The following ASTN2 variants were observed in gnomAD, a reference collection of about 807,000 sequenced individuals.
ASTN2 encodes astrotactin 2.
ASTN2 carries 54 observed loss-of-function variants against 139.8 expected under a neutral mutation model. The ratio of observed to expected loss-of-function variants is 0.39; its 90% CI spans 0.31 to 0.48. The LOEUF is 0.48. Among genes scored for constraint, ASTN2 ranks in the 20% least tolerant of loss-of-function variants. The probability of loss-of-function intolerance (pLI) is 0.95; values close to 1 mark genes in which losing one functional copy is unlikely to be tolerated. For missense variants in ASTN2, 1,565 were observed against 1,725.1 expected (o/e 0.91, Z 1.64); for synonymous variants, 756 against 719.5 (o/e 1.05, Z -0.81).
intron 11 of ASTN2, among the ~76,000 whole-genome samples, chr9:116,851,175 A>G (rs1037581997): frequency 6.6e-6 from 1 of 152,160 alleles, no homozygotes; most frequent in Non-Finnish European, 1.5e-5. Flanking sequence ...TCCATTACCA[A>G]CAGTCAAGAA....
chr9:116,784,873 G>C (rs1209346434), intron 13 of ASTN2, among the ~76,000 whole-genome samples: 1 of 148,914 alleles, frequency 6.7e-6, no homozygotes, highest in Non-Finnish European at 1.5e-5. Flanking sequence ...AGGTTGCGGT[G>C]AGCTGAGATT....
At chr9:116,972,547 C>A (rs766501840) in intron 10 of ASTN2, among the ~76,000 whole-genome samples, 1 of 152,128 alleles carries the variant, frequency 6.6e-6, no homozygotes, top group African/African-American at 2.4e-5. Flanking sequence ...ATACCTCCAA[C>A]TTTAGTACAT....
chr9:117,075,393 G>C (rs1828251921), intron 5 of ASTN2, among the ~76,000 whole-genome samples: 1 of 151,842 alleles, frequency 6.6e-6, no homozygotes, highest in South Asian at 2.1e-4. Context: ...GAAGAGTCAA[G>C]CCCTCTCAGA....
rs1208405766 is a variant in ASTN2, at chr9:116,426,432, T to C, written c.3783-344A>G. On this transcript the variant is annotated intron_variant, in intron 22 of 22. Coordinates refer to ENST00000313400, the MANE Select transcript of ASTN2 (RefSeq NM_001365068.1). ...AAGCAACAAGAACAACCAAAAGTTATTGACACCATATGCTAGACACTGGGT... is the reference window on the plus strand; with the variant it reads ...AAGCAACAAGAACAACCAAAAGTTACTGACACCATATGCTAGACACTGGGT... 5.9e-5 allele frequency among the ~76,000 whole-genome samples: 9 copies of C among 152,220 alleles called. No homozygotes were observed. The South Asian group carries it at 1.9e-3, about 31-fold the overall frequency.
chr9:116,684,901 G>T (rs913680793), intron 16 of ASTN2, among the ~76,000 whole-genome samples: 3 of 152,140 alleles, frequency 2.0e-5, no homozygotes, highest in African/African-American at 7.2e-5. Context: ...AGCTGTCCTT[G>T]TTCATTCCTG....
intron 19 of ASTN2, among the ~76,000 whole-genome samples, chr9:116,491,280 A>C (rs1439285955): frequency 2.0e-5 from 3 of 152,210 alleles, no homozygotes; most frequent in Non-Finnish European, 1.5e-5. Flanking sequence ...CAGCAATCTA[A>C]CAAGTTAGAT....
chr9:116,959,005 G>A (rs188708281), intron 10 of ASTN2, among the ~76,000 whole-genome samples: 201 of 152,306 alleles, frequency 1.3e-3, no homozygotes, highest in Admixed American at 2.2e-3. Context: ...GTGCAGTGAG[G>A]AGGTGAGAAG....
chr9:116,497,391 C>T (rs1478701133), intron 19 of ASTN2, among the ~76,000 whole-genome samples: 2 of 152,194 alleles, frequency 1.3e-5, no homozygotes, highest in African/African-American at 4.8e-5. Flanking sequence ...AGGGAAAGGA[C>T]TACAACTGTG....
At chr9:117,156,056 G>C (rs1327994344) in intron 3 of ASTN2, among the ~76,000 whole-genome samples, 2 of 151,974 alleles carry the variant, frequency 1.3e-5, no homozygotes, top group African/African-American at 4.8e-5. Context: ...GTATCATGAG[G>C]AACTACAAGA....
At chr9:116,534,098 A>G (rs530502092) in intron 19 of ASTN2, among the ~76,000 whole-genome samples, 23 of 152,160 alleles carry the variant, frequency 1.5e-4, no homozygotes, top group African/African-American at 4.3e-4. Flanking sequence ...GGGAGGGTGG[A>G]TGTGTCCAGG....
rs1564268865 is a variant in ASTN2, at chr9:116,790,971, GAAAGAAAGAAA to G, written c.2396+14650_2396+14660del. Among the ~76,000 whole-genome samples the G allele has an allele frequency of 9.3e-3, 152 of 16,272 alleles. 2 individuals carry two copies. Among genetic ancestry groups the G allele is most frequent in the African/African-American group, 0.022 (140 of 6,370 alleles). 10.7% of individuals were successfully genotyped at this position (16,272 alleles called of 152,430 possible). A position where few individuals can be genotyped will look rare whatever the true frequency, so the allele number is the denominator to read the frequency against. On this transcript the variant is annotated intron_variant, in intron 13 of 22. Transcript: ENST00000313400. Reference sequence around the variant, plus strand: ...GAAAGAAAGAAAAGAAAGAAGGAAAGAAAGAAAGAAAGAAAGAAAGAAAGAAAGAAAGAAAG... The same window carrying G: ...GAAAGAAAGAAAAGAAAGAAGGAAAGGAAAGAAAGAAAGAAAGAAAGAAAG...
At position 116,990,997 on chromosome 9, in the gene ASTN2, G is replaced by A. The variant is rs578229701; in HGVS notation, c.1592-14212C>T. On this transcript the variant is annotated intron_variant, in intron 7 of 22. Coordinates refer to ENST00000313400, the MANE Select transcript of ASTN2 (RefSeq NM_001365068.1). Reference sequence around the variant, plus strand: ...CCCTGTCCAAAGGAAGAGTCCTGGTGTTAGCAACGTAAATCCATACTCCAA... The same window carrying A: ...CCCTGTCCAAAGGAAGAGTCCTGGTATTAGCAACGTAAATCCATACTCCAA... 2.6e-5 allele frequency among the ~76,000 whole-genome samples: 4 copies of A among 152,252 alleles called. No homozygotes were observed. In the South Asian group the frequency reaches 8.3e-4, roughly 32 times the overall value.
At chr9:116,489,858 G>C (rs995982595) in intron 19 of ASTN2, among the ~76,000 whole-genome samples, 2 of 152,182 alleles carry the variant, frequency 1.3e-5, no homozygotes, top group African/African-American at 4.8e-5. Flanking sequence ...TTGACGCGTA[G>C]ATGCTAGATT....
At chr9:117,207,435 T>TC (rs892865251) in intron 3 of ASTN2, among the ~76,000 whole-genome samples, 6 of 148,764 alleles carry the variant, frequency 4.0e-5, no homozygotes, top group Non-Finnish European at 8.9e-5. Flanking sequence ...CTGTGGGTTG[T>TC]CCCCCTCAGA....
At chr9:117,229,360 A>C (rs1832818432) in intron 2 of ASTN2, among the ~76,000 whole-genome samples, 1 of 152,062 alleles carries the variant, frequency 6.6e-6, no homozygotes, top group Admixed American at 6.5e-5. Context: ...TGCTCCCCAC[A>C]TTCCCTCGGG....
intron 11 of ASTN2, among the ~76,000 whole-genome samples, chr9:116,858,484 A>G (rs2182552): frequency 0.32 from 47,920 of 152,058 alleles, 7,712 homozygotes; most frequent in South Asian, 0.39. Flanking sequence ...AGTGTCCTCC[A>G]TACGATGCTG....
intron 10 of ASTN2, among the ~76,000 whole-genome samples, chr9:116,912,865 T>C (rs1332856219): frequency 6.6e-6 from 1 of 152,144 alleles, no homozygotes; most frequent in Non-Finnish European, 1.5e-5. Flanking sequence ...AGGCCTGCAC[T>C]TCCTTCTTCC....
intron 17 of ASTN2, among the ~76,000 whole-genome samples, chr9:116,649,156 T>C (rs966528252): frequency 6.6e-6 from 1 of 152,240 alleles, no homozygotes; most frequent in East Asian, 1.9e-4. Flanking sequence ...CCTATGTTCA[T>C]CACTTCCTTG....
intron 7 of ASTN2, among the ~76,000 whole-genome samples, chr9:117,004,050 T>G (rs1378065273): frequency 6.6e-6 from 1 of 151,440 alleles, no homozygotes; most frequent in African/African-American, 2.4e-5. Flanking sequence ...AAAAGAAGCT[T>G]GGCTGTCTGG....
Sources: gnomAD v4.1 joint callset for allele counts (sites outside exome capture counted in the v4.1 genomes callset) on GRCh38, gnomAD v4.1.1 for gene constraint, MANE v1.5 for transcripts, NCBI Gene and HGNC (gene_info 2026-07-23, HGNC 2026-07-21) for gene names.